Variants in GBF1 observed in about 807,000 individuals in gnomAD.
GBF1 encodes the protein Golgi-specific brefeldin A-resistance guanine nucleotide exchange factor 1.
A neutral mutation model predicts 210.5 loss-of-function variants in GBF1; 114 were observed. That is an observed-to-expected ratio of 0.54 (90% CI 0.47 to 0.63). The LOEUF is 0.63. Among genes scored for constraint, GBF1 ranks in the 30% least tolerant of loss-of-function variants. The probability of loss-of-function intolerance (pLI) is 0.00; values close to 1 mark genes in which losing one functional copy is unlikely to be tolerated. For missense variants in GBF1, 1,851 were observed against 2,357.7 expected (o/e 0.79, Z 4.45); for synonymous variants, 850 against 889.2 (o/e 0.96, Z 0.78).
At chr10:102,335,519 A>T (rs564205868) in intron 3 of GBF1, among the ~76,000 whole-genome samples, 75 of 152,360 alleles carry the variant, frequency 4.9e-4, no homozygotes, top group African/African-American at 1.8e-3. Context: ...GTTCCCAGCC[A>T]GGCTGAACCG....
chr10:102,363,881 A>G lies in GBF1; in HGVS notation c.2106+83A>G, dbSNP rs1423781463. On this transcript the variant is annotated intron_variant, in intron 17 of 39. Transcript: ENST00000369983. This position sits in a 1 kb window ranked among gnomAD's most constrained non-coding sequence, Gnocchi z 4.2. Reference sequence around the variant, plus strand: ...GGGTTTCCATCTCAGAAGATGAAGGAGAGTCTAGCACCTCATTGTACAGCT... The same window carrying G: ...GGGTTTCCATCTCAGAAGATGAAGGGGAGTCTAGCACCTCATTGTACAGCT... 5.9e-6 allele frequency: 5 copies of G among 840,494 alleles called. No homozygotes were observed. The East Asian group carries it at 1.2e-4, about 21-fold the overall frequency. The allele number at this position is 840,494 out of a possible 1,614,324, so 52.1% of individuals were successfully genotyped here. A position where few individuals can be genotyped will look rare whatever the true frequency, so the allele number is the denominator to read the frequency against.
At chr10:102,373,227 C>T (rs899134565) in intron 29 of GBF1, among the ~76,000 whole-genome samples, 3 of 152,162 alleles carry the variant, frequency 2.0e-5, no homozygotes, top group Non-Finnish European at 4.4e-5. Flanking sequence ...CCAAAGAACA[C>T]ATACAGATGG....
chr10:102,273,892 T>C (rs1220059565), intron 3 of GBF1, among the ~76,000 whole-genome samples: 1 of 152,242 alleles, frequency 6.6e-6, no homozygotes, highest in Non-Finnish European at 1.5e-5. Context: ...CTTTGCACCT[T>C]ATCCCTTTTA....
intron 3 of GBF1, 97 bp downstream of exon 3, chr10:102,260,213 T>G: frequency 1.5e-6 from 1 of 674,758 alleles, no homozygotes; most frequent in South Asian, 1.9e-5. Flanking sequence ...AAGGACTTTA[T>G]AGTAAATAAT....
At chr10:102,263,671 T>A (rs1266703482) in intron 3 of GBF1, among the ~76,000 whole-genome samples, 1 of 152,230 alleles carries the variant, frequency 6.6e-6, no homozygotes, top group Non-Finnish European at 1.5e-5. Context: ...TAAGGTTGGC[T>A]AAGTCCATAC....
At chr10:102,331,205 C>T (rs2057310781) in intron 3 of GBF1, among the ~76,000 whole-genome samples, 1 of 152,038 alleles carries the variant, frequency 6.6e-6, no homozygotes, top group East Asian at 1.9e-4. Context: ...AGCCAGAGAG[C>T]ATATATAGAT....
At position 102,366,405 on chromosome 10, in the gene GBF1, C is replaced by T. The variant is rs1216081573; in HGVS notation, c.2332C>T (p.Arg778Ter). The T allele has an allele frequency of 2.5e-6, 4 of 1,613,846 alleles. No homozygotes were observed. The highest frequency in any genetic ancestry group is 1.7e-5 in the Admixed American group (1 of 60,004). Residue 778 changes from arginine (R) to a stop codon, truncating the protein, a stop_gained, in exon 19 of 40, where the codon CGA becomes TGA. Coordinates refer to ENST00000369983, the MANE Select transcript of GBF1 (RefSeq NM_001377137.1). LOFTEE classifies it high-confidence loss of function. This position sits in a 1 kb window ranked among gnomAD's most constrained non-coding sequence, Gnocchi z 4.0. Reference sequence around the variant, plus strand: ...TAGCACCTTCAGTTTTCAGGGTCTGCGACTGGACGAAGCCCTCCGCCTCTA... The same window carrying T: ...TAGCACCTTCAGTTTTCAGGGTCTGTGACTGGACGAAGCCCTCCGCCTCTA... ...FVSTFSFQGL[R>*]LDEALRLYLE...
chr10:102,334,722 G>A (rs527536823), intron 3 of GBF1, among the ~76,000 whole-genome samples: 3 of 152,186 alleles, frequency 2.0e-5, no homozygotes, highest in Admixed American at 1.3e-4. Context: ...GGTGGCTTGC[G>A]CCTGTAGTCC....
At position 102,370,477 on chromosome 10, in the gene GBF1, A is replaced by G. The variant is rs2060142672; in HGVS notation, c.3505A>G (p.Arg1169Gly). 3 of 1,605,986 alleles carry G rather than the reference A, an allele frequency of 1.9e-6. No individual in the cohort carries two copies. Among genetic ancestry groups the G allele is most frequent in the African/African-American group, 1.3e-5 (1 of 74,780 alleles). Reference protein sequence around the residue: ...EMLLRIVLENRDRVGCVWQTV... With the variant: ...EMLLRIVLENGDRVGCVWQTV... ...GCTGCTAAGGATTGTGTTGGAGAAC[A>G]GGTAAGATGAGCGTAGTCTTTAGGC... Residue 1169 changes from arginine to glycine, a missense_variant and splice_region_variant, in exon 28 of 40, where the codon AGG (arginine) becomes GGG (glycine). Around this residue, in one of 3 missense-constraint regions of GBF1, gnomAD observed 967 missense variants for 1,247.7 expected, o/e 0.78. Coordinates refer to ENST00000369983, the MANE Select transcript of GBF1 (RefSeq NM_001377137.1).
In GBF1 at chr10:102,366,450, C is replaced by T. The variant is rs2135148706; in HGVS notation, c.2377C>T (p.Pro793Ser). The T allele has an allele frequency of 2.5e-6, 4 of 1,614,046 alleles. No homozygotes were observed. The highest frequency in any genetic ancestry group is 2.2e-5 in the South Asian group (2 of 91,084). ...LRLYLEAFRL[P>S]GEAPVIQRLL... ...CCTCTACCTGGAAGCCTTCCGTTTG[C>T]CTGGGGAAGCACCAGTCATCCAGAG... Residue 793 changes from proline to serine, a missense_variant, in exon 19 of 40, where the codon CCT (proline) becomes TCT (serine). Pro to Ser is a moderately conservative substitution (Grantham distance 74). This residue lies in a region of GBF1 where 80 missense variants were observed against 151.4 expected (regional missense o/e 0.53). Transcript: ENST00000369983. The surrounding 1 kb of genome is among the most constrained non-coding windows in gnomAD (Gnocchi z 4.0).
chr10:102,280,263 A>G (rs976028509), intron 3 of GBF1, among the ~76,000 whole-genome samples: 1 of 152,180 alleles, frequency 6.6e-6, no homozygotes, highest in Non-Finnish European at 1.5e-5. Flanking sequence ...CAGAGAATAC[A>G]GAACTCCTAA....
In GBF1 at chr10:102,368,967, T is replaced by C. The variant is rs921100706; in HGVS notation, c.2973+135T>C. The C allele has an allele frequency of 1.7e-5, 11 of 663,072 alleles. No individual in the cohort carries two copies. The African/African-American group carries it at 1.8e-4, about 11-fold the overall frequency. The allele number at this position is 663,072 out of a possible 1,614,324, so 41.1% of individuals were successfully genotyped here. A position where few individuals can be genotyped will look rare whatever the true frequency, so the allele number is the denominator to read the frequency against. ...TGCCCCCACTTGAATATACCAGAGC[T>C]TAGGCCATTTCTGTCTTGCACACTC... On this transcript the variant is annotated intron_variant, in intron 23 of 39. Coordinates refer to ENST00000369983, the MANE Select transcript of GBF1 (RefSeq NM_001377137.1).
In GBF1 at chr10:102,361,018, C is replaced by G; in HGVS notation, c.1393-4C>G. On this transcript the variant is annotated splice_region_variant and splice_polypyrimidine_tract_variant and intron_variant, in intron 12 of 39. Transcript: ENST00000369983. Reference sequence around the variant, plus strand: ...CTCATGGCCTACCCTGCTCTCATCTCCAGCTACTCAGCATAGAGCGACTAA... The same window carrying G: ...CTCATGGCCTACCCTGCTCTCATCTGCAGCTACTCAGCATAGAGCGACTAA... 2 of 1,469,114 alleles carry G rather than the reference C, an allele frequency of 1.4e-6. No individual in the cohort carries two copies. The highest frequency in any genetic ancestry group is 1.9e-6 in the Non-Finnish European group (2 of 1,048,238). The allele number at this position is 1,469,114 out of a possible 1,614,324, so 91.0% of individuals were successfully genotyped here. A position where few individuals can be genotyped will look rare whatever the true frequency, so the allele number is the denominator to read the frequency against.
rs376014864 is a variant in GBF1, at chr10:102,368,466, T to C, written c.2879+12T>C. On this transcript the variant is annotated intron_variant, in intron 22 of 39. Coordinates refer to ENST00000369983, the MANE Select transcript of GBF1 (RefSeq NM_001377137.1). ...ATCTCAGGCTTCAGGTAGCCCAGCT[T>C]TGGCCTTGGTCTTCACCTCCCACTA... 1.8e-5 allele frequency: 26 copies of C among 1,479,758 alleles called. No homozygotes were observed. Among genetic ancestry groups the C allele is most frequent in the African/African-American group, 2.8e-5 (2 of 72,258 alleles). The allele number at this position is 1,479,758 out of a possible 1,614,324, so 91.7% of individuals were successfully genotyped here. A position where few individuals can be genotyped will look rare whatever the true frequency, so the allele number is the denominator to read the frequency against.
chr10:102,284,097 C>T (rs931984602), intron 3 of GBF1, among the ~76,000 whole-genome samples: 1 of 152,020 alleles, frequency 6.6e-6, no homozygotes, highest in Admixed American at 6.6e-5. Flanking sequence ...GACTGAGGTA[C>T]CTGCTTGTCT....
intron 3 of GBF1, among the ~76,000 whole-genome samples, chr10:102,297,804 GTATAAAACTCAGGCCTTT>G (rs1470103363): frequency 6.6e-6 from 1 of 152,182 alleles, no homozygotes; most frequent in East Asian, 1.9e-4. Context: ...TCATCAAGTA[GTATAAAACTCAGGCCTTT>G]TATAGAATTT....
chr10:102,375,432 A>G lies in GBF1; in HGVS notation c.3734A>G (p.Tyr1245Cys). ...TCCCGAGTCAGCCACCAGGTTGCGTATGGGCTCCATGAACTCCTGAAGACC... is the reference window on the plus strand; with the variant it reads ...TCCCGAGTCAGCCACCAGGTTGCGTGTGGGCTCCATGAACTCCTGAAGACC... Reference protein sequence around the residue: ...VLSRVSHQVAYGLHELLKTNA... With the variant: ...VLSRVSHQVACGLHELLKTNA... The change falls in exon 30 of 40, where the codon TAT becomes TGT. Residue 1245 changes from tyrosine (Y) to cysteine (C), a missense_variant. Physicochemically the swap from Tyr to Cys is radical, Grantham distance 194 (BLOSUM62 -2). Coordinates refer to ENST00000369983, the MANE Select transcript of GBF1 (RefSeq NM_001377137.1). 15 of 1,613,818 alleles carry G rather than the reference A, an allele frequency of 9.3e-6. No individual in the cohort carries two copies. The highest frequency in any genetic ancestry group is 1.3e-5 in the Non-Finnish European group (15 of 1,179,734).
chr10:102,334,701 T>C (rs2057594981), intron 3 of GBF1, among the ~76,000 whole-genome samples: 1 of 151,982 alleles, frequency 6.6e-6, no homozygotes, highest in Non-Finnish European at 1.5e-5. Flanking sequence ...TACAAAAAAT[T>C]AGCCAGGCGT....
In GBF1 at chr10:102,363,525, A is replaced by G. The variant is rs998451302; in HGVS notation, c.2017+129A>G. On this transcript the variant is annotated intron_variant, in intron 16 of 39. Transcript: ENST00000369983. The surrounding 1 kb of genome is among the most constrained non-coding windows in gnomAD (Gnocchi z 4.2). ...TAGCCCGCCTCGCCTTCAGACTCAG[A>G]GAGAGGGAAGCAAACATATGGACCC... 6 of 938,980 alleles carry G rather than the reference A, an allele frequency of 6.4e-6. No homozygotes were observed. The highest frequency in any genetic ancestry group is 9.9e-6 in the Non-Finnish European group (6 of 604,732). 58.2% of individuals were successfully genotyped at this position (938,980 alleles called of 1,614,324 possible).
Sources: allele counts gnomAD v4.1 joint callset (sites outside exome capture counted in the v4.1 genomes callset), GRCh38; gene constraint gnomAD v4.1.1; regional missense constraint gnomAD v4.1.1; non-coding constraint Gnocchi (gnomAD v3.1); transcripts MANE v1.5; gene names NCBI Gene and HGNC (gene_info 2026-07-23, HGNC 2026-07-21).